Variants in CYRIA observed in about 807,000 individuals in gnomAD.
CYRIA encodes the protein CYFIP related Rac1 interactor A, also known as CYFIP-related Rac1 interactor A.
A neutral mutation model predicts 43.9 loss-of-function variants in CYRIA; 15 were observed. That is an observed-to-expected ratio of 0.34 (90% confidence interval 0.23 to 0.53). The LOEUF (loss-of-function observed/expected upper bound fraction) is 0.53. Among genes scored for constraint, CYRIA ranks in the 20% least tolerant of loss-of-function variants. CYRIA has a pLI of 0.94. For missense variants in CYRIA, 236 were observed against 394.2 expected, an observed-to-expected ratio of 0.60 and a Z score of 3.40; for synonymous variants, 117 against 136.0, an observed-to-expected ratio of 0.86 and a Z score of 0.97.
chr2:16,600,808 T>C (rs1443322375), intron 2 of CYRIA, among the ~76,000 whole-genome samples: 1 of 152,044 alleles, frequency 6.6e-6, no homozygotes. Flanking sequence ...ACAGCAAACA[T>C]CAGGTAGCTA....
intron 3 of CYRIA, among the ~76,000 whole-genome samples, chr2:16,587,040 TC>T (rs1207274824): frequency 1.3e-5 from 2 of 152,146 alleles, no homozygotes; most frequent in Non-Finnish European, 2.9e-5. Flanking sequence ...CTTTTTTCAG[TC>T]ATGATTCTTA....
At position 16,610,341 on chromosome 2, in the gene CYRIA, G is replaced by A. The variant is rs77510252; in HGVS notation, c.-11+13523C>T. ...ACAGTCTAAGCCACTATGTTATTTT[G>A]TCGAATACTCCTGCACTATTATTAG... On this transcript the variant is annotated intron_variant, in intron 2 of 11. Transcript: ENST00000381323. 4.1e-3 allele frequency among the ~76,000 whole-genome samples: 619 copies of A among 152,320 alleles called. 3 individuals carry two copies. The highest frequency in any genetic ancestry group is 0.014 in the African/African-American group (587 of 41,566).
At chr2:16,610,923 T>C (rs1380391223) in intron 2 of CYRIA, among the ~76,000 whole-genome samples, 1 of 90,290 alleles carries the variant, frequency 1.1e-5, no homozygotes, top group Non-Finnish European at 2.1e-5. Flanking sequence ...TATATATATA[T>C]ATATATATAT....
At chr2:16,585,093 A>G (rs1269271156) in intron 3 of CYRIA, among the ~76,000 whole-genome samples, 4 of 152,102 alleles carry the variant, frequency 2.6e-5, no homozygotes, top group African/African-American at 9.7e-5. Flanking sequence ...ACCATATTCA[A>G]CATGCCCTTA....
At chr2:16,610,669 C>A (rs1272982457) in intron 2 of CYRIA, among the ~76,000 whole-genome samples, 1 of 151,936 alleles carries the variant, frequency 6.6e-6, no homozygotes, top group Non-Finnish European at 1.5e-5. Flanking sequence ...ATGTGTACTG[C>A]CCCATGTAGT....
At chr2:16,605,157 A>C (rs1668353954) in intron 2 of CYRIA, among the ~76,000 whole-genome samples, 3 of 152,098 alleles carry the variant, frequency 2.0e-5, no homozygotes, top group East Asian at 1.9e-4. Flanking sequence ...CCATTATGGA[A>C]TTGAACAATT....
chr2:16,655,769 T>C (rs1403584972), intron 1 of CYRIA, among the ~76,000 whole-genome samples: 1 of 152,184 alleles, frequency 6.6e-6, no homozygotes, highest in African/African-American at 2.4e-5. Flanking sequence ...GAATGCATTC[T>C]TGGTCTTTTT....
chr2:16,657,533 T>C (rs986461929), intron 1 of CYRIA, among the ~76,000 whole-genome samples: 4 of 151,968 alleles, frequency 2.6e-5, no homozygotes, highest in African/African-American at 9.7e-5. Flanking sequence ...GGTCATTTAA[T>C]TCAGTTAATT....
chr2:16,583,146 T>C (rs1667608768), intron 3 of CYRIA, among the ~76,000 whole-genome samples: 1 of 152,234 alleles, frequency 6.6e-6, no homozygotes, highest in Admixed American at 6.5e-5. Context: ...TTATTGGCCA[T>C]TTGTTTATTT....
chr2:16,601,220 G>A lies in CYRIA; in HGVS notation c.-10-13091C>T, dbSNP rs56105519. The stretch of plus-strand genomic sequence containing the variant: ...AAATTATGTGGGGTGAAGTCTTCTG[G>A]AAGAGTTTGCTCGATAGAAGAAGCA... On this transcript the variant is annotated intron_variant, in intron 2 of 11. Transcript: ENST00000381323. 7.6e-3 allele frequency among the ~76,000 whole-genome samples: 1,161 copies of A among 152,210 alleles called. 10 individuals carry two copies. The highest frequency in any genetic ancestry group is 0.02 in the Middle Eastern group (6 of 294).
chr2:16,632,242 T>C (rs540418853), intron 1 of CYRIA, among the ~76,000 whole-genome samples: 2 of 152,296 alleles, frequency 1.3e-5, no homozygotes, highest in African/African-American at 4.8e-5. Flanking sequence ...CAGCGGAGTG[T>C]TTCTATAAGA....
chr2:16,663,939 T>C (rs1670326884), intron 1 of CYRIA, among the ~76,000 whole-genome samples: 1 of 152,110 alleles, frequency 6.6e-6, no homozygotes. Context: ...CACTTTTCCA[T>C]TCATTGAACC....
At chr2:16,558,045 C>G (rs750655184) in intron 10 of CYRIA, among the ~76,000 whole-genome samples, 5 of 152,032 alleles carry the variant, frequency 3.3e-5, no homozygotes, top group African/African-American at 7.2e-5. Context: ...GCACGTAAAG[C>G]AGGGTACTAA....
rs113798976 is a variant in CYRIA at position 16,576,886 on chromosome 2, T to C, written c.71-11119A>G. On this transcript the variant is annotated intron_variant, in intron 3 of 11. Coordinates refer to ENST00000381323, the MANE Select transcript of CYRIA (RefSeq NM_030797.4). ...CAACAACGTGAATGAACCTTGAGGA[T>C]ATTATGCTAAGCAAAATAAACAAGT... Among the ~76,000 whole-genome samples the C allele has an allele frequency of 5.0e-3, 756 of 152,314 alleles. 8 individuals carry two copies. Among genetic ancestry groups the C allele is most frequent in the African/African-American group, 0.016 (675 of 41,560 alleles).
intron 1 of CYRIA, among the ~76,000 whole-genome samples, chr2:16,653,236 A>G (rs1457222765): frequency 6.6e-6 from 1 of 152,164 alleles, no homozygotes; most frequent in Non-Finnish European, 1.5e-5. Context: ...CCATGACCCC[A>G]TGGCCTGCAA....
intron 1 of CYRIA, among the ~76,000 whole-genome samples, chr2:16,664,200 G>A (rs1236786045): frequency 6.6e-6 from 1 of 152,082 alleles, no homozygotes; most frequent in Non-Finnish European, 1.5e-5. Flanking sequence ...CAGAGCCAGA[G>A]CCCAGAGGCA....
chr2:16,565,785 C>A lies in CYRIA; in HGVS notation c.71-18G>T. On this transcript the variant is annotated intron_variant, in intron 3 of 11. Coordinates refer to ENST00000381323, the MANE Select transcript of CYRIA (RefSeq NM_030797.4). ...CTGAGCATCTAAGAAACAGGGAAAC[C>A]GAGAGACAGAGTGCTGGTGTTTACA... 2 of 1,542,718 alleles carry A rather than the reference C, an allele frequency of 1.3e-6. No homozygotes were observed. The highest frequency in any genetic ancestry group is 1.8e-6 in the Non-Finnish European group (2 of 1,130,020).
At chr2:16,588,391 G>T (rs948088351) in intron 2 of CYRIA, among the ~76,000 whole-genome samples, 3 of 150,638 alleles carry the variant, frequency 2.0e-5, no homozygotes, top group African/African-American at 7.3e-5. Flanking sequence ...AATCTCTCTC[G>T]AGAGAATACA....
chr2:16,586,323 T>G (rs772609046), intron 3 of CYRIA, among the ~76,000 whole-genome samples: 1 of 152,150 alleles, frequency 6.6e-6, no homozygotes, highest in Admixed American at 6.6e-5. Context: ...TGGCAAGATA[T>G]AGATAATTTG....
Sources: gnomAD v4.1 joint callset for allele counts (sites outside exome capture counted in the v4.1 genomes callset) on GRCh38, gnomAD v4.1.1 for gene constraint, MANE v1.5 for transcripts, NCBI Gene and HGNC (gene_info 2026-07-23, HGNC 2026-07-21) for gene names.